Variants in FBXL5 observed in about 807,000 individuals in gnomAD.
FBXL5 encodes the protein F-box and leucine rich repeat protein 5, also known as F-box/LRR-repeat protein 5.
FBXL5 carries 26 observed loss-of-function variants against 78.3 expected under a neutral mutation model. The ratio of observed to expected loss-of-function variants is 0.33; its 90% CI spans 0.24 to 0.46. The LOEUF (loss-of-function observed/expected upper bound fraction) is 0.46, where lower values mean the gene tolerates loss of function less well. Among genes scored for constraint, FBXL5 ranks in the 20% least tolerant of loss-of-function variants. The probability of loss-of-function intolerance (pLI) is 1.00; values close to 1 mark genes in which losing one functional copy is unlikely to be tolerated. For missense variants in FBXL5, 710 were observed against 829.2 expected (o/e 0.86, Z 1.77); for synonymous variants, 295 against 282.5 (o/e 1.04, Z -0.45).
chr4:15,660,945 C>A (rs13127507), upstream of FBXL5, among the ~76,000 whole-genome samples: 15,896 of 152,034 alleles, frequency 0.1, 1,101 homozygotes, highest in Non-Finnish European at 0.15. Context: ...GGCATGGTGG[C>A]ACACGCCTGT....
chr4:15,640,657 C>T, intron 3 of FBXL5, 131 bp downstream of exon 3: 1 of 446,454 alleles, frequency 2.2e-6, no homozygotes, highest in Non-Finnish European at 4.0e-6. Context: ...TCTTTTTTCC[C>T]AAAAAGAACT....
chr4:15,617,407 G>A (rs771154331), intron 9 of FBXL5, among the ~76,000 whole-genome samples: 1 of 151,944 alleles, frequency 6.6e-6, no homozygotes, highest in Non-Finnish European at 1.5e-5. Context: ...AATTAACCAG[G>A]TATGGCGGCA....
At chr4:15,612,532 G>C in intron 9 of FBXL5, 118 bp from the exon 10 acceptor site, 1 of 937,442 alleles carries the variant, frequency 1.1e-6, no homozygotes, top group Non-Finnish European at 1.6e-6. Flanking sequence ...GAAAATTTAA[G>C]AATTTCTGTA....
intron 1 of FBXL5, chr4:15,681,226 A>G (rs1313774592): frequency 2.6e-5 from 4 of 152,174 alleles, no homozygotes; most frequent in African/African-American, 9.7e-5. Context: ...AACACGTGCA[A>G]TGATATCAAA....
chr4:15,634,611 C>A (rs1714053104), intron 5 of FBXL5, among the ~76,000 whole-genome samples: 1 of 152,116 alleles, frequency 6.6e-6, no homozygotes, highest in Non-Finnish European at 1.5e-5. Context: ...AGGTGATCCA[C>A]CCACCTCAGC....
chr4:15,635,183 A>C (rs957241822), intron 5 of FBXL5, among the ~76,000 whole-genome samples: 4 of 151,810 alleles, frequency 2.6e-5, no homozygotes, highest in African/African-American at 9.7e-5. Flanking sequence ...AGTACAAAAA[A>C]TTAGCCAGGC....
intron 1 of FBXL5, among the ~76,000 whole-genome samples, chr4:15,668,761 A>T (rs1409169399): frequency 6.6e-6 from 1 of 152,200 alleles, no homozygotes; most frequent in Non-Finnish European, 1.5e-5. Context: ...TAGTTATTGC[A>T]CTATTGTTAG....
intron 7 of FBXL5, 29 bp from the exon 8 acceptor site, chr4:15,626,984 G>C (rs1159624625): frequency 2.0e-6 from 3 of 1,489,162 alleles, no homozygotes; most frequent in Non-Finnish European, 2.8e-6. Flanking sequence ...TCACTGTAAA[G>C]ATCTGCAGAA....
chr4:15,632,053 A>G (rs1042705146), intron 5 of FBXL5, among the ~76,000 whole-genome samples: 1 of 152,196 alleles, frequency 6.6e-6, no homozygotes, highest in African/African-American at 2.4e-5. Context: ...TTTTAGGTCT[A>G]ACATTTAAAT....
intron 5 of FBXL5, among the ~76,000 whole-genome samples, chr4:15,636,121 G>A (rs1021273517): frequency 3.3e-4 from 50 of 151,844 alleles, no homozygotes; most frequent in Non-Finnish European, 5.2e-4. Flanking sequence ...ATTATTTAAA[G>A]CAGTTTTGAA....
Position 15,625,700 on chromosome 4 carries a change from G to C in FBXL5, c.1402C>G (p.Pro468Ala). The C allele has an allele frequency of 1.2e-6, 2 of 1,614,184 alleles. No individual in the cohort carries two copies. The highest frequency in any genetic ancestry group is 2.7e-5 in the African/African-American group (2 of 75,058). ...GAAGTGAAATTCTCAGAAGAAACAG[G>C]CTTAGTCCAGGGGTGTTCATTATCT... ...EIDNEHPWTK[P>A]VSSENFTSPY... Residue 468 changes from proline (P) to alanine (A), a missense_variant, in exon 9 of 11, where the codon CCT (proline) becomes GCT (alanine). By Grantham distance (27) the Pro-to-Ala change is conservative. This residue lies in a region of FBXL5 where 517 missense variants were observed against 542.9 expected (regional missense o/e 0.95). Coordinates refer to ENST00000341285, the MANE Select transcript of FBXL5 (RefSeq NM_012161.4).
At chr4:15,618,679 T>G (rs1712151748) in intron 9 of FBXL5, among the ~76,000 whole-genome samples, 1 of 150,770 alleles carries the variant, frequency 6.6e-6, no homozygotes, top group Non-Finnish European at 1.5e-5. Flanking sequence ...CCGTCTCCAC[T>G]AAAAATACAA....
chr4:15,639,145 CAA>C (rs935066666), intron 3 of FBXL5, among the ~76,000 whole-genome samples: 8 of 152,206 alleles, frequency 5.3e-5, no homozygotes, highest in African/African-American at 1.4e-4. Flanking sequence ...GCCTGGGCAA[CAA>C]GAGCGAAACT....
intron 8 of FBXL5, among the ~76,000 whole-genome samples, chr4:15,626,663 T>A (rs978922069): frequency 3.3e-5 from 5 of 152,166 alleles, no homozygotes; most frequent in African/African-American, 1.2e-4. Context: ...AATATAGGAC[T>A]ACAGAGATTG....
Position 15,681,402 on chromosome 4 carries a change from T to C in FBXL5, c.-303A>G, listed in dbSNP as rs548498267. 451 of 173,452 alleles carry C rather than the reference T, an allele frequency of 2.6e-3. 2 individuals carry two copies. Among genetic ancestry groups the C allele is most frequent in the Non-Finnish European group, 4.5e-3 (328 of 73,016 alleles). The allele number at this position is 173,452 out of a possible 1,614,324, so 10.7% of individuals were successfully genotyped here. A position where few individuals can be genotyped will look rare whatever the true frequency, so the allele number is the denominator to read the frequency against. Reference sequence around the variant, plus strand: ...CACTACCTGCTTCGCCTGGTTGTGGTGTGGCTGCTGCGCCAACCGAAAGGC... The same window carrying C: ...CACTACCTGCTTCGCCTGGTTGTGGCGTGGCTGCTGCGCCAACCGAAAGGC... On this transcript the variant is annotated 5_prime_UTR_variant, in exon 1 of 5. Coordinates refer to the FBXL5 transcript ENST00000507899.
intron 1 of FBXL5, among the ~76,000 whole-genome samples, chr4:15,670,313 T>TA (rs547476950): frequency 4.3e-4 from 65 of 152,250 alleles, no homozygotes; most frequent in Non-Finnish European, 8.4e-4. Context: ...GTATGATAGA[T>TA]ACGTTTAACT....
Position 15,644,656 on chromosome 4 carries a change from G to C in FBXL5, c.137C>G (p.Ser46Cys). 1 of 1,613,604 alleles carries C rather than the reference G, an allele frequency of 6.2e-7. No individual in the cohort carries two copies. The highest frequency in any genetic ancestry group is 1.6e-4 in the Middle Eastern group (1 of 6,062). The change falls in exon 2 of 11, where the codon TCT becomes TGT. Residue 46 changes from serine to cysteine, a missense_variant. Transcript: ENST00000341285. The part of the protein sequence containing the change: ...NNNDFRALLQ[S>C]LYATFKEFKM... ...GAACTCCTTGAAAGTAGCATACAAA[G>C]ACTGCAGAAGAGCACGGAAATCGTT...
chr4:15,672,520 C>T (rs1717807621), intron 1 of FBXL5, among the ~76,000 whole-genome samples: 1 of 152,152 alleles, frequency 6.6e-6, no homozygotes, highest in Non-Finnish European at 1.5e-5. Context: ...ATTTGTCACA[C>T]AATGGTATTT....
At chr4:15,637,596 A>G (rs75410879) in intron 4 of FBXL5, among the ~76,000 whole-genome samples, 2,464 of 152,302 alleles carry the variant, frequency 0.016, 69 homozygotes, top group African/African-American at 0.056. Flanking sequence ...ATAAAATGTA[A>G]TAAGTGTGAT....
Sources: gnomAD v4.1 joint callset for allele counts (sites outside exome capture counted in the v4.1 genomes callset) on GRCh38, gnomAD v4.1.1 for gene constraint, gnomAD v4.1.1 regional missense constraint, MANE v1.5 for transcripts, NCBI Gene and HGNC (gene_info 2026-07-23, HGNC 2026-07-21) for gene names.